The following PSIP1 variants were observed in gnomAD, a reference collection of about 807,000 sequenced individuals.
The protein encoded by PSIP1 is PC4 and SRSF1 interacting protein 1, also known as PC4 and SFRS1-interacting protein.
In PSIP1, 19 loss-of-function variants were observed where a neutral mutation model predicts 74.7. The observed-to-expected ratio is 0.25, with a 90% confidence interval of 0.18 to 0.37. The LOEUF (loss-of-function observed/expected upper bound fraction) is 0.37. PSIP1 is among the 10% of genes least tolerant of loss of function. The pLI is 1.00. For synonymous variants in PSIP1, 222 were observed against 195.3 expected, an observed-to-expected ratio of 1.14 and a Z score of -1.14; for missense variants, 601 against 614.3, an observed-to-expected ratio of 0.98 and a Z score of 0.23.
chr9:15,477,228 TA>T (rs1175614199), intron 8 of PSIP1, among the ~76,000 whole-genome samples: 1 of 152,208 alleles, frequency 6.6e-6, no homozygotes, highest in Non-Finnish European at 1.5e-5. Context: ...AATTGACAGG[TA>T]AAAATTCTAT....
At position 15,466,761 on chromosome 9, in the gene PSIP1, T is replaced by C. The variant is rs144962736; in HGVS notation, c.1519A>G (p.Ser507Gly). ...CCTATTCCTCACTTTTTCTTCGTGCTGGCTTCATGGTTGTCTTTGCTGTCT... is the reference window on the plus strand; with the variant it reads ...CCTATTCCTCACTTTTTCTTCGTGCCGGCTTCATGGTTGTCTTTGCTGTCT... ...NEDSKDNHEASTKKKPSSEER... is the reference protein window; with the variant it reads ...NEDSKDNHEAGTKKKPSSEER... Residue 507 changes from serine to glycine, a missense_variant, in exon 15 of 16, where the codon AGC (serine) becomes GGC (glycine). By Grantham distance (56) the Ser-to-Gly change is moderately conservative. Around this residue, in one of 2 missense-constraint regions of PSIP1, gnomAD observed 538 missense variants for 507.6 expected, o/e 1.06. Coordinates refer to ENST00000380733, the MANE Select transcript of PSIP1 (RefSeq NM_033222.5). 1 of 1,609,606 alleles carries C rather than the reference T, an allele frequency of 6.2e-7. No individual in the cohort carries two copies. Among genetic ancestry groups the C allele is most frequent in the African/African-American group, 1.3e-5 (1 of 74,730 alleles).
rs760204424 is a variant in PSIP1, at chr9:15,510,227, C to A, written c.-39G>T. ...GACCGGGGGTCCGAAGCCCGGGAGG[C>A]GGCGAGGAGATGCGGCGGCGCGGGG... On this transcript the variant is annotated 5_prime_UTR_variant, in exon 2 of 16. Coordinates refer to ENST00000380733, the MANE Select transcript of PSIP1 (RefSeq NM_033222.5). 1 of 1,580,116 alleles carries A rather than the reference C, an allele frequency of 6.3e-7. No individual in the cohort carries two copies. Among genetic ancestry groups the A allele is most frequent in the South Asian group, 1.1e-5 (1 of 88,088 alleles).
chr9:15,468,457 A>G (rs1445450177), intron 14 of PSIP1, 173 bp downstream of exon 14: 2 of 796,818 alleles, frequency 2.5e-6, no homozygotes, highest in African/African-American at 3.4e-5. Context: ...TTTTGTTCTC[A>G]ATGCACACTG....
chr9:15,503,517 T>C (rs1377965225), intron 3 of PSIP1, among the ~76,000 whole-genome samples: 1 of 151,698 alleles, frequency 6.6e-6, no homozygotes, highest in East Asian at 1.9e-4. Context: ...TAATAAAAAA[T>C]ACAAAAATTA....
At chr9:15,490,784 C>T (rs915080816) in intron 3 of PSIP1, among the ~76,000 whole-genome samples, 3 of 151,874 alleles carry the variant, frequency 2.0e-5, no homozygotes, top group Admixed American at 6.6e-5. Flanking sequence ...TAACTGCACC[C>T]CAAATATAGT....
chr9:15,473,916 AAAAAAAAAAAC>A (rs775298108), intron 9 of PSIP1, 82 bp downstream of exon 9: 54,247 of 677,650 alleles, frequency 0.08, 1,019 homozygotes, highest in Non-Finnish European at 0.093. Flanking sequence ...AAAAAAAAAC[AAAAAAAAAAAC>A]AAAAAAAAAA....
chr9:15,474,106 T>C lies in PSIP1; in HGVS notation c.761A>G (p.Lys254Arg), dbSNP rs143334212. The change falls in exon 9 of 16, where the codon AAG (lysine) becomes AGG (arginine). Residue 254 changes from lysine (K) to arginine (R), a missense_variant. Lys to Arg is a conservative substitution (Grantham distance 26). Transcript: ENST00000380733. ...TTTCCTTTTTGATTCAACTTCTTTCTTCCCCTCTTTTTTATCCGGCTCTTT... is the reference window on the plus strand; with the variant it reads ...TTTCCTTTTTGATTCAACTTCTTTCCTCCCCTCTTTTTTATCCGGCTCTTT... ...PRKEPDKKEGKKEVESKRKNL... is the reference protein window; with the variant it reads ...PRKEPDKKEGRKEVESKRKNL... The C allele has an allele frequency of 1.6e-4, 265 of 1,613,860 alleles. 2 individuals are homozygous for C. In the African/African-American group the frequency reaches 2.9e-3, roughly 18 times the overall value.
chr9:15,494,317 A>T (rs1383693310), intron 3 of PSIP1, among the ~76,000 whole-genome samples: 1 of 152,180 alleles, frequency 6.6e-6, no homozygotes, highest in African/African-American at 2.4e-5. Flanking sequence ...CTATAATCCC[A>T]GCACTTGGGA....
At chr9:15,478,417 T>G (rs2036191283) in intron 8 of PSIP1, 60 bp downstream of exon 8, 1 of 1,231,054 alleles carries the variant, frequency 8.1e-7, no homozygotes, top group African/African-American at 1.5e-5. Flanking sequence ...CAGAGATATG[T>G]GCTTGTTTAA....
At position 15,464,991 on chromosome 9, in the gene PSIP1, A is replaced by G. The variant is rs1185481319; in HGVS notation, c.*529T>C. The G allele has an allele frequency of 4.6e-6, 1 of 219,594 alleles. No individual in the cohort carries two copies. Among genetic ancestry groups the G allele is most frequent in the Non-Finnish European group, 9.1e-6 (1 of 109,394 alleles). 13.6% of individuals were successfully genotyped at this position (219,594 alleles called of 1,614,324 possible). A position where few individuals can be genotyped will look rare whatever the true frequency, so the allele number is the denominator to read the frequency against. On this transcript the variant is annotated 3_prime_UTR_variant, in exon 16 of 16. Coordinates refer to ENST00000380733, the MANE Select transcript of PSIP1 (RefSeq NM_033222.5). Reference sequence around the variant, plus strand: ...AGCTGGATAATGTAGCACAATGTAGACTGTGAGATTAAAATTAACTTTTGA... The same window carrying G: ...AGCTGGATAATGTAGCACAATGTAGGCTGTGAGATTAAAATTAACTTTTGA...
intron 3 of PSIP1, among the ~76,000 whole-genome samples, chr9:15,493,958 C>A (rs550432961): frequency 1.1e-4 from 16 of 152,276 alleles, no homozygotes; most frequent in Admixed American, 7.2e-4. Flanking sequence ...AGGATGGACC[C>A]TGTACATCTC....
intron 3 of PSIP1, among the ~76,000 whole-genome samples, chr9:15,494,933 C>A (rs2037006692): frequency 6.6e-6 from 1 of 152,070 alleles, no homozygotes; most frequent in African/African-American, 2.4e-5. Flanking sequence ...GTTAAACCTC[C>A]ATGAAAACGT....
intron 15 of PSIP1, among the ~76,000 whole-genome samples, chr9:15,466,175 C>T (rs1025454139): frequency 5.9e-5 from 9 of 152,302 alleles, no homozygotes; most frequent in African/African-American, 1.2e-4. Flanking sequence ...GTCAGGAGTT[C>T]GAGGCCGGGC....
At chr9:15,469,898 A>T in intron 11 of PSIP1, 40 bp downstream of exon 11, 1 of 1,518,424 alleles carries the variant, frequency 6.6e-7, no homozygotes. Flanking sequence ...CTTCTTTTCC[A>T]TGTATAATTT....
At chr9:15,471,712 G>T in intron 10 of PSIP1, 1 of 965,492 alleles carries the variant, frequency 1.0e-6, no homozygotes, top group Non-Finnish European at 1.2e-6. Flanking sequence ...AGAAAGCAGA[G>T]TAAAACGCTG....
At chr9:15,508,883 G>C (rs1348769993) in intron 2 of PSIP1, among the ~76,000 whole-genome samples, 1 of 152,194 alleles carries the variant, frequency 6.6e-6, no homozygotes, top group Non-Finnish European at 1.5e-5. Context: ...GAATAGATTA[G>C]AATGTAAAAT....
intron 3 of PSIP1, among the ~76,000 whole-genome samples, chr9:15,501,166 C>G (rs2037326268): frequency 1.3e-5 from 2 of 151,896 alleles, no homozygotes; most frequent in African/African-American, 4.8e-5. Flanking sequence ...AGGTAAATGG[C>G]AGTCAGTATT....
At chr9:15,481,460 G>A (rs1189066945) in intron 6 of PSIP1, among the ~76,000 whole-genome samples, 1 of 152,210 alleles carries the variant, frequency 6.6e-6, no homozygotes, top group Non-Finnish European at 1.5e-5. Flanking sequence ...CGCTTTGGGA[G>A]GCTGGGGCTA....
rs543615582 is a variant in PSIP1 at position 15,470,724 on chromosome 9, A to T, written c.978-731T>A. The T allele has an allele frequency of 7.5e-5, 72 of 955,090 alleles. No individual in the cohort carries two copies. In the African/African-American group the frequency reaches 1.1e-3, roughly 15 times the overall value. 59.2% of individuals were successfully genotyped at this position (955,090 alleles called of 1,614,324 possible). On this transcript the variant is annotated intron_variant, in intron 10 of 15. Transcript: ENST00000380733. ...CTACTGTTTAATCTCTCAGGATTAA[A>T]AAAACATTTATTAAGATTCTAAAGA...
Sources: gnomAD v4.1 joint callset for allele counts (sites outside exome capture counted in the v4.1 genomes callset) on GRCh38, gnomAD v4.1.1 for gene constraint, gnomAD v4.1.1 regional missense constraint, MANE v1.5 for transcripts, NCBI Gene and HGNC (gene_info 2026-07-23, HGNC 2026-07-21) for gene names.